Variants in SLC15A2 observed in about 807,000 individuals in gnomAD.
SLC15A2 encodes the protein kidney H(+)/peptide cotransporter.
In SLC15A2, 77 loss-of-function variants were observed where a neutral mutation model predicts 95.5. That is an observed-to-expected ratio of 0.81 (90% CI 0.67 to 0.97). SLC15A2 has a LOEUF of 0.97. SLC15A2 is among the 50% of genes least tolerant of loss of function. The probability of loss-of-function intolerance (pLI) is 0.00; values close to 1 mark genes in which losing one functional copy is unlikely to be tolerated. For synonymous variants in SLC15A2, 306 were observed against 306.9 expected, an observed-to-expected ratio of 1.00 and a Z score of 0.03; for missense variants, 893 against 874.4, an observed-to-expected ratio of 1.02 and a Z score of -0.27.
chr3:121,897,566 A>G, intron 3 of SLC15A2, 37 bp downstream of exon 3: 1 of 1,610,414 alleles, frequency 6.2e-7, no homozygotes, highest in South Asian at 1.1e-5. Context: ...TACAAGTTTC[A>G]CAGGTTGTGC....
chr3:121,922,327 C>T (rs1419467725), intron 8 of SLC15A2, 25 bp downstream of exon 8: 2 of 1,588,912 alleles, frequency 1.3e-6, no homozygotes, highest in East Asian at 2.2e-5. Flanking sequence ...TGTTTTCTTG[C>T]CTTTTTCAAT....
chr3:121,899,675 T>C (rs1463571710), intron 3 of SLC15A2, among the ~76,000 whole-genome samples: 1 of 152,184 alleles, frequency 6.6e-6, no homozygotes, highest in African/African-American at 2.4e-5. Flanking sequence ...TCAATAAATG[T>C]TTATTGAGCA....
chr3:121,935,103 A>G (rs1477730147), intron 19 of SLC15A2, among the ~76,000 whole-genome samples: 1 of 152,200 alleles, frequency 6.6e-6, no homozygotes, highest in Non-Finnish European at 1.5e-5. Flanking sequence ...CTTGCATCCC[A>G]GGGATGAAGC....
At chr3:121,897,297 A>C (rs955546130) in intron 2 of SLC15A2, 91 bp from the exon 3 acceptor site, 1 of 1,492,292 alleles carries the variant, frequency 6.7e-7, no homozygotes, top group East Asian at 2.3e-5. Flanking sequence ...CACATTATAA[A>C]GACCAGAGAT....
rs372281120 is a variant in SLC15A2, at chr3:121,940,465, G to T, written c.1990G>T (p.Ala664Ser). Residue 664 changes from alanine (A) to serine (S), a missense_variant, in exon 21 of 22, where the codon GCA becomes TCA. Transcript: ENST00000489711. ...TGGGAATATCATCGTGCTTGTTGTG[G>T]CACAGTTCAGTGGCCTGGTACAGGT... ...AVGNIIVLVV[A>S]QFSGLVQWAE... The T allele has an allele frequency of 1.9e-6, 3 of 1,613,762 alleles. No individual in the cohort carries two copies. The African/African-American group carries it at 4.0e-5, about 22-fold the overall frequency.
chr3:121,926,626 C>T (rs1020293769), intron 13 of SLC15A2, among the ~76,000 whole-genome samples: 6 of 152,222 alleles, frequency 3.9e-5, no homozygotes, highest in African/African-American at 1.4e-4. Context: ...AGTACCTCTA[C>T]TAGGGCAGTG....
intron 20 of SLC15A2, among the ~76,000 whole-genome samples, chr3:121,940,069 G>T (rs1710430733): frequency 6.6e-6 from 1 of 152,082 alleles, no homozygotes; most frequent in Non-Finnish European, 1.5e-5. Flanking sequence ...GCCTCCCAAA[G>T]TGCTAGGATT....
intron 19 of SLC15A2, among the ~76,000 whole-genome samples, chr3:121,935,148 C>T (rs1710312988): frequency 6.6e-6 from 1 of 152,284 alleles, no homozygotes; most frequent in Non-Finnish European, 1.5e-5. Context: ...TTTTGATGTG[C>T]TGCTGGATTC....
rs958266273 is a variant in SLC15A2 at position 121,902,447 on chromosome 3, T to C, written c.335+4918T>C. Among the ~76,000 whole-genome samples, 70 of 152,266 alleles carry C rather than the reference T, an allele frequency of 4.6e-4. 1 individual carries two copies. The highest frequency in any genetic ancestry group is 1.6e-3 in the African/African-American group (65 of 41,546). ...CATAGGTATACATGTGCCATGTTGG[T>C]TTGTTGCACCCATGAACTCGCCATT... On this transcript the variant is annotated intron_variant, in intron 3 of 21. Transcript: ENST00000489711.
At chr3:121,917,649 C>T (rs1709923453) in intron 7 of SLC15A2, among the ~76,000 whole-genome samples, 1 of 152,080 alleles carries the variant, frequency 6.6e-6, no homozygotes. Context: ...GATTGAGCCA[C>T]TGCACTTCAG....
Position 121,894,464 on chromosome 3 carries a change from T to C in SLC15A2, c.-13T>C, listed in dbSNP as rs1419949422. 6.2e-7 allele frequency: 1 copy of C among 1,604,686 alleles called. No individual in the cohort carries two copies. The highest frequency in any genetic ancestry group is 1.7e-5 in the Admixed American group (1 of 59,644). On this transcript the variant is annotated 5_prime_UTR_variant, in exon 1 of 22. Transcript: ENST00000489711. ...CAAATGCTTGAGGAGAGAGAGAGAGTAAGGAGCCAGCCATGAATCCTTTCC... is the reference window on the plus strand; with the variant it reads ...CAAATGCTTGAGGAGAGAGAGAGAGCAAGGAGCCAGCCATGAATCCTTTCC...
chr3:121,928,654 T>C, intron 15 of SLC15A2, 99 bp downstream of exon 15: 1 of 1,335,430 alleles, frequency 7.5e-7, no homozygotes. Flanking sequence ...CCCATGTCTT[T>C]AGATAATCTT....
chr3:121,902,326 G>A (rs909461456), intron 3 of SLC15A2, among the ~76,000 whole-genome samples: 8 of 151,832 alleles, frequency 5.3e-5, no homozygotes, highest in East Asian at 3.9e-4. Context: ...TCTCTTAAAC[G>A]TGTTTATTAT....
intron 3 of SLC15A2, among the ~76,000 whole-genome samples, chr3:121,903,984 A>G (rs1046610396): frequency 7.2e-5 from 11 of 152,228 alleles, no homozygotes; most frequent in African/African-American, 2.4e-4. Context: ...ATCCATGAGC[A>G]TGGAATGTTC....
intron 3 of SLC15A2, among the ~76,000 whole-genome samples, chr3:121,907,544 A>G (rs1468509541): frequency 6.6e-6 from 1 of 152,048 alleles, no homozygotes; most frequent in Non-Finnish European, 1.5e-5. Flanking sequence ...TTTGGTGTGG[A>G]TGTCCTTTCT....
In SLC15A2 at chr3:121,943,796, C is replaced by T. The variant is rs1168998285; in HGVS notation, c.*2789C>T. On this transcript the variant is annotated 3_prime_UTR_variant, in exon 22 of 22. Coordinates refer to ENST00000489711, the MANE Select transcript of SLC15A2 (RefSeq NM_021082.4). ...AGTTATATGGTATAGACTGTTTCTC[C>T]AGCTATATGGTGTAGACTGTTTCTC... 4 of 152,178 alleles carry T rather than the reference C, an allele frequency of 2.6e-5. No homozygotes were observed. The highest frequency in any genetic ancestry group is 4.1e-4 in the South Asian group (2 of 4,832). The allele number at this position is 152,178 out of a possible 1,614,324, so 9.4% of individuals were successfully genotyped here.
intron 19 of SLC15A2, among the ~76,000 whole-genome samples, chr3:121,934,528 G>A (rs1437338590): frequency 1.3e-5 from 2 of 150,918 alleles, no homozygotes. Context: ...TGAAGCAATT[G>A]TGAATGGGAG....
chr3:121,916,383 G>A (rs2700420), intron 7 of SLC15A2, among the ~76,000 whole-genome samples: 67,900 of 151,966 alleles, frequency 0.45, 15,704 homozygotes, highest in East Asian at 0.69. Context: ...CTGGAAACCT[G>A]TTCTCCACTC....
rs937343599 is a variant in SLC15A2, at chr3:121,911,502, T to A, written c.336-72T>A. ...ATTTATCCCCACACTGAGAACAGTA[T>A]GAACCCTAAGTCTGTATTATTCAAA... On this transcript the variant is annotated intron_variant, in intron 3 of 21. Transcript: ENST00000489711. The A allele has an allele frequency of 5.9e-6, 6 of 1,023,624 alleles. No individual in the cohort carries two copies. The African/African-American group carries it at 9.4e-5, about 16-fold the overall frequency. The allele number at this position is 1,023,624 out of a possible 1,614,324, so 63.4% of individuals were successfully genotyped here.
Sources: gnomAD v4.1 joint callset for allele counts (sites outside exome capture counted in the v4.1 genomes callset) on GRCh38, gnomAD v4.1.1 for gene constraint, MANE v1.5 for transcripts, NCBI Gene and HGNC (gene_info 2026-07-23, HGNC 2026-07-21) for gene names.